The following RNU5D-1 variants were observed in gnomAD, a reference collection of about 807,000 sequenced individuals.
The protein encoded by RNU5D-1 is RNA, U5D small nuclear.
chr1:44,731,156 G>C (rs112355581), exon 1 of RNU5D-1: 3 of 151,338 alleles, frequency 2.0e-5, no homozygotes, highest in East Asian at 1.9e-4. Context: ...ACGATTTGAA[G>C]AGAAACCAGA....
chr1:44,731,112 C>A lies in RNU5D-1; in HGVS notation n.59G>T, dbSNP rs750192371. The A allele has an allele frequency of 5.8e-4, 88 of 152,018 alleles. 1 individual carries two copies. Among genetic ancestry groups the A allele is most frequent in the African/African-American group, 2.1e-3 (88 of 41,468 alleles). The allele number at this position is 152,018 out of a possible 1,614,324, so 9.4% of individuals were successfully genotyped here. Reference sequence around the variant, plus strand: ...CTTGAAACTCAAAACGGTTTCTCTCCACGGAAATCTTTAGTAAAAGGCGAA... The same window carrying A: ...CTTGAAACTCAAAACGGTTTCTCTCAACGGAAATCTTTAGTAAAAGGCGAA... On this transcript the variant is annotated non_coding_transcript_exon_variant, in exon 1 of 1. Transcript: ENST00000363299.
exon 1 of RNU5D-1, chr1:44,731,109 C>G (rs559324373): frequency 1.3e-5 from 2 of 151,964 alleles, no homozygotes; most frequent in African/African-American, 2.4e-5. Flanking sequence ...AACGGTTTCT[C>G]TCCACGGAAA....
exon 1 of RNU5D-1, chr1:44,731,120 T>G (rs146096730): frequency 7.9e-4 from 120 of 152,006 alleles, no homozygotes; most frequent in African/African-American, 2.8e-3. Flanking sequence ...TCCACGGAAA[T>G]CTTTAGTAAA....
exon 1 of RNU5D-1, chr1:44,731,080 A>G (rs960883483): frequency 2.6e-5 from 4 of 152,260 alleles, no homozygotes; most frequent in South Asian, 2.1e-4. Flanking sequence ...GGGCTTCAAA[A>G]AATTTGCTTG....
chr1:44,731,151 T>C (rs1027997501), exon 1 of RNU5D-1: 19 of 151,432 alleles, frequency 1.3e-4, no homozygotes, highest in African/African-American at 4.4e-4. Flanking sequence ...TTTATACGAT[T>C]TGAAGAGAAA....
At chr1:44,731,075 T>A (rs975424831) in exon 1 of RNU5D-1, 5 of 152,094 alleles carry the variant, frequency 3.3e-5, no homozygotes, top group African/African-American at 4.8e-5. Context: ...ACATAGGGCT[T>A]CAAAAAATTT....
chr1:44,731,091 A>C (rs548580715), exon 1 of RNU5D-1: 3 of 152,086 alleles, frequency 2.0e-5, no homozygotes, highest in Non-Finnish European at 2.9e-5. Context: ...AATTTGCTTG[A>C]AACTCAAAAC....
chr1:44,731,103 G>GTTTC (rs1234267828), exon 1 of RNU5D-1: 1 of 151,832 alleles, frequency 6.6e-6, no homozygotes, highest in Non-Finnish European at 1.5e-5. Flanking sequence ...ACTCAAAACG[G>GTTTC]TTTCTCTCCA....
chr1:44,731,079 A>C (rs923892254), exon 1 of RNU5D-1: 1 of 152,130 alleles, frequency 6.6e-6, no homozygotes, highest in Non-Finnish European at 1.5e-5. Context: ...AGGGCTTCAA[A>C]AAATTTGCTT....
At chr1:44,731,106 T>C (rs997010977) in exon 1 of RNU5D-1, 1 of 151,920 alleles carries the variant, frequency 6.6e-6, no homozygotes, top group Non-Finnish European at 1.5e-5. Flanking sequence ...CAAAACGGTT[T>C]CTCTCCACGG....
chr1:44,731,133 G>GC (rs1648463654), exon 1 of RNU5D-1: 1 of 151,668 alleles, frequency 6.6e-6, no homozygotes, highest in Non-Finnish European at 1.5e-5. Flanking sequence ...TTAGTAAAAG[G>GC]CGAAAGATTT....
At chr1:44,731,091 A>G (rs548580715) in exon 1 of RNU5D-1, 5 of 152,086 alleles carry the variant, frequency 3.3e-5, no homozygotes, top group Admixed American at 1.3e-4. Context: ...AATTTGCTTG[A>G]AACTCAAAAC....
chr1:44,731,119 A>C (rs189142210), exon 1 of RNU5D-1: 1 of 152,012 alleles, frequency 6.6e-6, no homozygotes, highest in Non-Finnish European at 1.5e-5. Flanking sequence ...CTCCACGGAA[A>C]TCTTTAGTAA....
exon 1 of RNU5D-1, chr1:44,731,128 A>G (rs577441822): frequency 3.9e-5 from 6 of 152,030 alleles, no homozygotes; most frequent in South Asian, 2.1e-4. Flanking sequence ...AATCTTTAGT[A>G]AAAGGCGAAA....
exon 1 of RNU5D-1, chr1:44,731,082 AT>A (rs1477537419): frequency 5.3e-5 from 8 of 151,944 alleles, no homozygotes; most frequent in African/African-American, 1.9e-4. Flanking sequence ...GCTTCAAAAA[AT>A]TTGCTTGAAA....
At chr1:44,731,082 A>G (rs7536078) in exon 1 of RNU5D-1, 28,373 of 152,020 alleles carry the variant, frequency 0.19, 2,780 homozygotes, top group East Asian at 0.28. Context: ...GCTTCAAAAA[A>G]TTTGCTTGAA....
At chr1:44,731,131 A>G (rs944856103) in exon 1 of RNU5D-1, 2 of 151,880 alleles carry the variant, frequency 1.3e-5, no homozygotes, top group African/African-American at 4.8e-5. Context: ...CTTTAGTAAA[A>G]GGCGAAAGAT....
chr1:44,731,142 T>G (rs548945029), exon 1 of RNU5D-1: 3 of 151,616 alleles, frequency 2.0e-5, no homozygotes, highest in South Asian at 4.2e-4. Flanking sequence ...GGCGAAAGAT[T>G]TATACGATTT....
At chr1:44,731,098 A>G (rs7536146) in exon 1 of RNU5D-1, 56,895 of 151,782 alleles carry the variant, frequency 0.37, 10,873 homozygotes, top group East Asian at 0.48. Flanking sequence ...TTGAAACTCA[A>G]AACGGTTTCT....
Sources: gnomAD v4.1 joint callset for allele counts on GRCh38, gnomAD v4.1.1 for gene constraint, MANE v1.5 for transcripts, NCBI Gene and HGNC (gene_info 2026-07-23, HGNC 2026-07-21) for gene names.